DISC1: variants seen among roughly 807,000 people sequenced by gnomAD.
DISC1 encodes the protein DISC1 scaffold protein.
Under a neutral mutation model 84.5 loss-of-function variants are expected in DISC1, and 57 were observed. The ratio of observed to expected loss-of-function variants is 0.67; its 90% confidence interval spans 0.55 to 0.84. DISC1 has a LOEUF of 0.84. Ranked by LOEUF, DISC1 falls within the 40% of genes least tolerant of loss-of-function variation. DISC1 has a pLI of 0.00. For synonymous variants in DISC1, 411 were observed against 415.2 expected (o/e 0.99, Z 0.12); for missense variants, 1,000 against 1,057.8 (o/e 0.95, Z 0.76).
intron 1 of DISC1, among the ~76,000 whole-genome samples, chr1:231,634,485 C>T (rs1028421675): frequency 2.6e-5 from 4 of 152,098 alleles, no homozygotes; most frequent in Admixed American, 6.5e-5. Context: ...GTTTCCCTAG[C>T]GTCTTGTGTT....
intron 9 of DISC1, among the ~76,000 whole-genome samples, chr1:231,949,478 C>T (rs1657921941): frequency 6.6e-6 from 1 of 152,122 alleles, no homozygotes; most frequent in African/African-American, 2.4e-5. Context: ...TTGTTCTGAC[C>T]TCACTTTGTG....
At chr1:232,008,407 G>T (rs1430139084) in intron 10 of DISC1, among the ~76,000 whole-genome samples, 2 of 152,180 alleles carry the variant, frequency 1.3e-5, no homozygotes, top group African/African-American at 2.4e-5. Context: ...TGTGTTGATG[G>T]AGAATGGACA....
intron 8 of DISC1, among the ~76,000 whole-genome samples, chr1:231,807,397 C>T (rs1473772642): frequency 6.6e-6 from 1 of 152,248 alleles, no homozygotes; most frequent in African/African-American, 2.4e-5. Flanking sequence ...AATTACCCCT[C>T]ATTATTGATC....
chr1:231,768,056 GT>G (rs1026005667), intron 5 of DISC1, among the ~76,000 whole-genome samples: 67 of 152,276 alleles, frequency 4.4e-4, no homozygotes, highest in Middle Eastern at 6.8e-3. Context: ...GAGGATGCAA[GT>G]TGGCTAAGAA....
chr1:231,926,277 G>A (rs955787076), intron 9 of DISC1, among the ~76,000 whole-genome samples: 3 of 152,100 alleles, frequency 2.0e-5, no homozygotes, highest in Non-Finnish European at 4.4e-5. Context: ...ATACCTTTGG[G>A]ATCAATAGAG....
intron 1 of DISC1, among the ~76,000 whole-genome samples, chr1:231,678,983 T>C (rs1480976943): frequency 6.6e-6 from 1 of 152,214 alleles, no homozygotes; most frequent in African/African-American, 2.4e-5. Flanking sequence ...GCCACGTTGC[T>C]CTGTCTCTTA....
intron 9 of DISC1, among the ~76,000 whole-genome samples, chr1:231,929,448 C>T (rs2090527515): frequency 6.6e-6 from 1 of 152,242 alleles, no homozygotes; most frequent in African/African-American, 2.4e-5. Flanking sequence ...CCGAAAACGG[C>T]TTGAATCATT....
chr1:231,628,646 T>TGTG (rs1392575767), intron 1 of DISC1, among the ~76,000 whole-genome samples: 1 of 152,208 alleles, frequency 6.6e-6, no homozygotes, highest in Non-Finnish European at 1.5e-5. Context: ...AGAACCCTGG[T>TGTG]GTGGGTGCCA....
intron 9 of DISC1, among the ~76,000 whole-genome samples, chr1:231,837,083 G>A (rs2082679282): frequency 6.6e-6 from 1 of 152,106 alleles, no homozygotes. Context: ...TATTGAGAAG[G>A]TTTTATACAA....
At chr1:232,013,702 A>G (rs1359016033) in intron 11 of DISC1, among the ~76,000 whole-genome samples, 1 of 152,198 alleles carries the variant, frequency 6.6e-6, no homozygotes, top group Non-Finnish European at 1.5e-5. Context: ...GGGTGAGCGG[A>G]CCAGCAAGCC....
At chr1:231,703,344 C>T (rs759022137) in intron 3 of DISC1, among the ~76,000 whole-genome samples, 1 of 152,154 alleles carries the variant, frequency 6.6e-6, no homozygotes, top group Non-Finnish European at 1.5e-5. Context: ...CCCCTCAAGC[C>T]CAGCGTCAGT....
intron 9 of DISC1, among the ~76,000 whole-genome samples, chr1:231,955,662 C>A (rs1330780101): frequency 1.3e-5 from 2 of 151,772 alleles, no homozygotes; most frequent in African/African-American, 4.8e-5. Context: ...GCCAATTTTT[C>A]TATTTTTAGT....
intron 3 of DISC1, among the ~76,000 whole-genome samples, chr1:231,706,762 G>A (rs142118401): frequency 6.4e-4 from 98 of 152,320 alleles, no homozygotes; most frequent in African/African-American, 2.1e-3. Flanking sequence ...GGTGGCAGAG[G>A]CCAAGCATAA....
chr1:231,945,754 G>C (rs56373612), intron 9 of DISC1, among the ~76,000 whole-genome samples: 1,525 of 152,078 alleles, frequency 0.01, 31 homozygotes, highest in African/African-American at 0.034. Flanking sequence ...GAATCAAAGA[G>C]ACGCAATAAA....
At chr1:231,739,018 C>T (rs1481419917) in intron 3 of DISC1, among the ~76,000 whole-genome samples, 1 of 152,160 alleles carries the variant, frequency 6.6e-6, no homozygotes, top group Non-Finnish European at 1.5e-5. Flanking sequence ...AGCTCTGGTT[C>T]CTTGTATGGA....
intron 9 of DISC1, among the ~76,000 whole-genome samples, chr1:231,850,535 G>T (rs902803558): frequency 2.6e-5 from 4 of 152,236 alleles, no homozygotes; most frequent in African/African-American, 9.6e-5. Flanking sequence ...TGAAATAATT[G>T]TGTGGATGGT....
chr1:231,837,771 C>T (rs1463452476), intron 9 of DISC1, among the ~76,000 whole-genome samples: 1 of 152,102 alleles, frequency 6.6e-6, no homozygotes, highest in Non-Finnish European at 1.5e-5. Flanking sequence ...GATAAACCTA[C>T]ATTAGAATCA....
At chr1:231,709,157 G>A (rs1320959868) in intron 3 of DISC1, among the ~76,000 whole-genome samples, 2 of 152,288 alleles carry the variant, frequency 1.3e-5, no homozygotes, top group East Asian at 3.9e-4. Context: ...TAAGTTAAAG[G>A]TAGAGATCAT....
chr1:231,718,001 C>CA (rs371746682), intron 3 of DISC1, among the ~76,000 whole-genome samples: 4 of 152,284 alleles, frequency 2.6e-5, no homozygotes, highest in African/African-American at 7.2e-5. Flanking sequence ...TCCCCTATTA[C>CA]AATGAATGGC....
Sources: allele counts gnomAD v4.1 joint callset (sites outside exome capture counted in the v4.1 genomes callset), GRCh38; gene constraint gnomAD v4.1.1; transcripts MANE v1.5; gene names NCBI Gene and HGNC (gene_info 2026-07-23, HGNC 2026-07-21).